The following RFX7 variants were observed in gnomAD, a reference collection of about 807,000 sequenced individuals.
The protein encoded by RFX7 is regulatory factor X7.
Under a neutral mutation model 111.8 loss-of-function variants are expected in RFX7, and 26 were observed. The ratio of observed to expected loss-of-function variants is 0.23; its 90% CI spans 0.17 to 0.32. The LOEUF (loss-of-function observed/expected upper bound fraction) is 0.32. Among genes scored for constraint, RFX7 ranks in the 10% least tolerant of loss-of-function variants. The probability of loss-of-function intolerance (pLI) is 1.00; values close to 1 mark genes in which losing one functional copy is unlikely to be tolerated. For missense variants in RFX7, 1,573 were observed against 1,772.9 expected (o/e 0.89, Z 2.02); for synonymous variants, 624 against 624.4 (o/e 1.00, Z 0.01).
Position 56,093,290 on chromosome 15 carries a change from C to T in RFX7, c.*55G>A, listed in dbSNP as rs528982300. 751 of 1,431,494 alleles carry T rather than the reference C, an allele frequency of 5.2e-4. 1 individual carries two copies. Among genetic ancestry groups the T allele is most frequent in the Non-Finnish European group, 6.5e-4 (694 of 1,067,500 alleles). The allele number at this position is 1,431,494 out of a possible 1,614,324, so 88.7% of individuals were successfully genotyped here. A position where few individuals can be genotyped will look rare whatever the true frequency, so the allele number is the denominator to read the frequency against. On this transcript the variant is annotated 3_prime_UTR_variant, in exon 10 of 10. Transcript: ENST00000559447. Reference sequence around the variant, plus strand: ...GCTGCGGGAGGCACTTCCATTAAGACAAATACAATACATATGTCTTTAGAT... The same window carrying T: ...GCTGCGGGAGGCACTTCCATTAAGATAAATACAATACATATGTCTTTAGAT...
chr15:56,231,014 G>A (rs1490990422), intron 2 of RFX7, among the ~76,000 whole-genome samples: 6 of 152,172 alleles, frequency 3.9e-5, no homozygotes, highest in Non-Finnish European at 8.8e-5. Context: ...AGGGTTTGGA[G>A]ACAAGGAAAT....
intron 3 of RFX7, among the ~76,000 whole-genome samples, chr15:56,159,929 T>C (rs1483906210): frequency 6.6e-6 from 1 of 152,226 alleles, no homozygotes; most frequent in East Asian, 1.9e-4. Flanking sequence ...TAGGGACCAC[T>C]GTGAAAAAGT....
intron 2 of RFX7, among the ~76,000 whole-genome samples, chr15:56,235,654 AT>A (rs1170936272): frequency 7.9e-5 from 12 of 152,334 alleles, no homozygotes; most frequent in African/African-American, 2.9e-4. Context: ...CAAATTAAAA[AT>A]TACTGATTTT....
chr15:56,108,287 T>C (rs1416545400), intron 5 of RFX7, among the ~76,000 whole-genome samples: 1 of 152,158 alleles, frequency 6.6e-6, no homozygotes, highest in Non-Finnish European at 1.5e-5. Context: ...CGAACATCAA[T>C]GCAAAAATCC....
intron 2 of RFX7, among the ~76,000 whole-genome samples, chr15:56,196,060 C>A (rs1278280393): frequency 6.6e-6 from 1 of 152,084 alleles, no homozygotes; most frequent in Non-Finnish European, 1.5e-5. Flanking sequence ...ATTACTAGAT[C>A]ATATTACACA....
chr15:56,096,810 T>C (rs2041685566), intron 9 of RFX7, among the ~76,000 whole-genome samples, 190 bp from the exon 10 acceptor site: 1 of 152,224 alleles, frequency 6.6e-6, no homozygotes, highest in African/African-American at 2.4e-5. Flanking sequence ...AATGCAACCA[T>C]AATGCATTAT....
At chr15:56,229,390 C>T (rs113234268) in intron 2 of RFX7, among the ~76,000 whole-genome samples, 2 of 152,084 alleles carry the variant, frequency 1.3e-5, no homozygotes, top group African/African-American at 2.4e-5. Context: ...CTCAGCCTCC[C>T]GAGTTGCTGG....
At chr15:56,208,061 T>C (rs1185768021) in intron 2 of RFX7, among the ~76,000 whole-genome samples, 1 of 152,214 alleles carries the variant, frequency 6.6e-6, no homozygotes, top group African/African-American at 2.4e-5. Context: ...TCCACACTTT[T>C]ACCTCCAAGA....
At chr15:56,196,716 T>C (rs1444393369) in intron 2 of RFX7, among the ~76,000 whole-genome samples, 1 of 152,196 alleles carries the variant, frequency 6.6e-6, no homozygotes, top group Non-Finnish European at 1.5e-5. Flanking sequence ...TAAATTTCTA[T>C]TAAGCCATCA....
At chr15:56,144,847 T>G (rs1208034027) in intron 3 of RFX7, among the ~76,000 whole-genome samples, 4 of 152,160 alleles carry the variant, frequency 2.6e-5, no homozygotes, top group African/African-American at 9.6e-5. Context: ...ATTAGTTAAC[T>G]AACCGTTAAC....
intron 2 of RFX7, among the ~76,000 whole-genome samples, chr15:56,240,990 T>A (rs915884944): frequency 8.5e-5 from 13 of 152,114 alleles, no homozygotes; most frequent in African/African-American, 3.1e-4. Flanking sequence ...ATGACACTAT[T>A]AAGTATATTT....
intron 2 of RFX7, among the ~76,000 whole-genome samples, chr15:56,223,978 C>T (rs1257601577): frequency 6.6e-6 from 1 of 151,752 alleles, no homozygotes; most frequent in African/African-American, 2.4e-5. Flanking sequence ...AATCTTTTTA[C>T]AGCTATACAG....
chr15:56,111,352 A>C (rs2140940275), intron 5 of RFX7, among the ~76,000 whole-genome samples: 1 of 152,154 alleles, frequency 6.6e-6, no homozygotes, highest in Admixed American at 6.5e-5. Flanking sequence ...CCTTACCCCC[A>C]ACCCGGTGCT....
intron 2 of RFX7, among the ~76,000 whole-genome samples, chr15:56,208,072 G>A (rs2043273296): frequency 6.6e-6 from 1 of 152,216 alleles, no homozygotes; most frequent in South Asian, 2.1e-4. Flanking sequence ...ACCTCCAAGA[G>A]CTTGACCAGG....
chr15:56,230,124 C>T (rs1384833237), intron 2 of RFX7, among the ~76,000 whole-genome samples: 6 of 152,184 alleles, frequency 3.9e-5, no homozygotes, highest in Non-Finnish European at 8.8e-5. Context: ...AAAAAGCCAT[C>T]TCCAATTCAA....
intron 3 of RFX7, among the ~76,000 whole-genome samples, chr15:56,170,061 T>C (rs2042829329): frequency 6.6e-6 from 1 of 152,216 alleles, no homozygotes; most frequent in African/African-American, 2.4e-5. Context: ...ACACTTCTAT[T>C]TTAAACCGCA....
Position 56,243,793 on chromosome 15 carries a change from GCCGCCGCCGCCGCTCGCTCCCGGCC to G in RFX7, c.-376_-352del, listed in dbSNP as rs1333501122. ...GCTCCACGCCACTCCCCACGCCGCC[GCCGCCGCCGCCGCTCGCTCCCGGCC>G]CCGCCGCCGCCGCGGCCGCCGCTGC... On this transcript the variant is annotated 5_prime_UTR_variant, in exon 1 of 10. Transcript: ENST00000559447. Among the ~76,000 whole-genome samples, 49 of 148,054 alleles carry G rather than the reference GCCGCCGCCGCCGCTCGCTCCCGGCC, an allele frequency of 3.3e-4. No homozygotes were observed. The highest frequency in any genetic ancestry group is 1.0e-3 in the South Asian group (5 of 4,808).
intron 2 of RFX7, among the ~76,000 whole-genome samples, chr15:56,203,380 C>G (rs534454398): frequency 1.3e-5 from 2 of 151,962 alleles, no homozygotes; most frequent in Admixed American, 1.3e-4. Context: ...TAAAATGAGC[C>G]AGGATTTTAA....
In RFX7 at chr15:56,142,855, G is replaced by C. The variant is rs768262187; in HGVS notation, c.324C>G (p.Ala108=). The C allele has an allele frequency of 6.2e-7, 1 of 1,613,598 alleles. No individual in the cohort carries two copies. The highest frequency in any genetic ancestry group is 1.1e-5 in the South Asian group (1 of 91,006). ...MSSSRAQQMH[A]FSWIRNTLEE... The stretch of plus-strand genomic sequence containing the variant: ...CTAGGGTATTCCGAATCCAGGAAAA[G>C]GCATGCATTTGTTGTGCCCGACTAG... The change falls in exon 5 of 10, where the codon GCC becomes GCG. Residue 108 remains alanine (A), a synonymous_variant. Transcript: ENST00000559447.
Sources: allele counts gnomAD v4.1 joint callset (sites outside exome capture counted in the v4.1 genomes callset), GRCh38; gene constraint gnomAD v4.1.1; transcripts MANE v1.5; gene names NCBI Gene and HGNC (gene_info 2026-07-23, HGNC 2026-07-21).